Variants in RBFOX1 observed in about 807,000 individuals in gnomAD.
The protein encoded by RBFOX1 is RNA binding fox-1 homolog 1.
A neutral mutation model predicts 57.7 loss-of-function variants in RBFOX1; 8 were observed. That is an observed-to-expected ratio of 0.14 (90% confidence interval 0.08 to 0.25). The LOEUF is 0.25. RBFOX1 is among the 10% of genes least tolerant of loss of function. RBFOX1 has a pLI of 1.00. For synonymous variants in RBFOX1, 326 were observed against 222.4 expected (o/e 1.47, Z -4.15); for missense variants, 611 against 548.5 (o/e 1.11, Z -1.14).
chr16:7,152,490 T>C (rs533408452), intron 4 of RBFOX1, among the ~76,000 whole-genome samples: 1 of 152,288 alleles, frequency 6.6e-6, no homozygotes, highest in South Asian at 2.1e-4. Flanking sequence ...TCAACTAGGA[T>C]CTTTAAAAAT....
At chr16:7,025,834 A>C (rs982658569) in intron 3 of RBFOX1, among the ~76,000 whole-genome samples, 6 of 152,174 alleles carry the variant, frequency 3.9e-5, no homozygotes, top group African/African-American at 1.4e-4. Flanking sequence ...ATCTGACAGC[A>C]ACCCCAGGTC....
chr16:6,216,193 C>A (rs1191118648), intron 1 of RBFOX1, among the ~76,000 whole-genome samples: 1 of 151,978 alleles, frequency 6.6e-6, no homozygotes, highest in African/African-American at 2.4e-5. Flanking sequence ...GGGCTTAATA[C>A]CTGGGTGCTG....
At chr16:6,196,888 C>G (rs1017456706) in intron 1 of RBFOX1, among the ~76,000 whole-genome samples, 4 of 151,818 alleles carry the variant, frequency 2.6e-5, no homozygotes, top group African/African-American at 9.7e-5. Context: ...GAGGTCATCT[C>G]TGTCCGCTGC....
rs2062409041 is a variant in RBFOX1, at chr16:5,250,022, A to AAGGAGGAGGTTGCAGTG, written c.219+9930_219+9946dup. ...GTTGCAGTGAGGAGGAGGTTGCAGT[A>AAGGAGGAGGTTGCAGTG]AGGAGGAGGTTGCAGTGAGGAGGAG... is the stretch of plus-strand genomic sequence containing the variant. On this transcript the variant is annotated intron_variant, in intron 1 of 2. Coordinates refer to the RBFOX1 transcript ENST00000585867. 2.7e-5 allele frequency among the ~76,000 whole-genome samples: 4 copies of AAGGAGGAGGTTGCAGTG among 146,246 alleles called. No homozygotes were observed. In the East Asian group the frequency reaches 6.4e-4, roughly 23 times the overall value.
chr16:6,483,374 G>C (rs1456506232), intron 2 of RBFOX1: 8 of 1,512,284 alleles, frequency 5.3e-6, no homozygotes, highest in Non-Finnish European at 7.1e-6. Flanking sequence ...GAAGGCGCGC[G>C]GCGCGCACGA....
At chr16:6,088,548 C>CCTTCCTTG (rs3048153) in intron 1 of RBFOX1, among the ~76,000 whole-genome samples, 3 of 151,522 alleles carry the variant, frequency 2.0e-5, no homozygotes, top group Admixed American at 6.6e-5. Flanking sequence ...TTCCTTCCTT[C>CCTTCCTTG]TGCATTTATT....
intron 4 of RBFOX1, among the ~76,000 whole-genome samples, chr16:7,285,854 G>C (rs1414819743): frequency 6.6e-6 from 1 of 152,134 alleles, no homozygotes; most frequent in African/African-American, 2.4e-5. Flanking sequence ...TCAAGTGCAG[G>C]GTTTTGTGTG....
At chr16:6,858,305 C>G (rs1029492531) in intron 3 of RBFOX1, among the ~76,000 whole-genome samples, 10 of 152,180 alleles carry the variant, frequency 6.6e-5, no homozygotes, top group African/African-American at 2.4e-4. Context: ...TGTTGAGAGA[C>G]TAGATTAGGA....
intron 1 of RBFOX1, among the ~76,000 whole-genome samples, chr16:6,265,070 C>T (rs749131887): frequency 2.6e-5 from 4 of 152,024 alleles, no homozygotes; most frequent in African/African-American, 9.7e-5. Flanking sequence ...TACTTCATTC[C>T]ATTTCCTTTT....
At chr16:6,869,845 A>G (rs78125352) in intron 3 of RBFOX1, among the ~76,000 whole-genome samples, 51 of 152,288 alleles carry the variant, frequency 3.3e-4, no homozygotes, top group African/African-American at 1.2e-3. Flanking sequence ...CTTCACGGGA[A>G]TCAGGAATGA....
intron 2 of RBFOX1, among the ~76,000 whole-genome samples, chr16:5,518,322 A>G (rs550679819): frequency 6.6e-5 from 10 of 151,392 alleles, no homozygotes; most frequent in East Asian, 1.9e-4. Flanking sequence ...TGAAAGCCCC[A>G]TTGTTCCACC....
chr16:5,379,589 A>G (rs1395129163), intron 1 of RBFOX1, among the ~76,000 whole-genome samples: 1 of 152,168 alleles, frequency 6.6e-6, no homozygotes, highest in Admixed American at 6.5e-5. Context: ...GGGCTCTGCT[A>G]CTTAATCTCT....
chr16:5,867,377 A>T, intron 4 of RBFOX1: 2 of 1,132,280 alleles, frequency 1.8e-6, no homozygotes, highest in Non-Finnish European at 2.2e-6. Context: ...AGATAGTTTG[A>T]AGTGGGTTTC....
At chr16:6,308,465 C>T (rs1422391855) in intron 1 of RBFOX1, among the ~76,000 whole-genome samples, 1 of 152,206 alleles carries the variant, frequency 6.6e-6, no homozygotes, top group Non-Finnish European at 1.5e-5. Context: ...AACTTTTTTA[C>T]ATAAAAATAC....
In RBFOX1 at chr16:5,504,272, C is replaced by T. The variant is rs184069945; in HGVS notation, c.258+37018C>T. Reference sequence around the variant, plus strand: ...TGAGAGCCCAGAGCACAGAGCAGGCCGCCTCCCAGGACCCAACAGCTGCCA... The same window carrying T: ...TGAGAGCCCAGAGCACAGAGCAGGCTGCCTCCCAGGACCCAACAGCTGCCA... On this transcript the variant is annotated intron_variant, in intron 2 of 2. Transcript: ENST00000585867. 2.2e-3 allele frequency among the ~76,000 whole-genome samples: 336 copies of T among 152,340 alleles called. 1 individual carries two copies. The highest frequency in any genetic ancestry group is 7.3e-3 in the African/African-American group (303 of 41,590).
chr16:7,598,457 T>C (rs1307919672), intron 9 of RBFOX1, among the ~76,000 whole-genome samples: 1 of 152,138 alleles, frequency 6.6e-6, no homozygotes, highest in Non-Finnish European at 1.5e-5. Context: ...AATTTTATAC[T>C]TCTAAAATTT....
chr16:6,829,493 AAAC>A (rs1364687472), intron 3 of RBFOX1, among the ~76,000 whole-genome samples: 5 of 151,222 alleles, frequency 3.3e-5, no homozygotes, highest in African/African-American at 7.3e-5. Flanking sequence ...AAAAAAAAAA[AAAC>A]AAAAAAACGT....
At chr16:7,298,235 G>A (rs374924811) in intron 4 of RBFOX1, among the ~76,000 whole-genome samples, 2 of 148,880 alleles carry the variant, frequency 1.3e-5, no homozygotes, top group East Asian at 2.0e-4. Context: ...ATGGGGGTTA[G>A]AAGCATCAAC....
intron 2 of RBFOX1, among the ~76,000 whole-genome samples, chr16:5,481,392 T>G (rs1168105114): frequency 6.6e-6 from 1 of 152,222 alleles, no homozygotes; most frequent in Non-Finnish European, 1.5e-5. Flanking sequence ...GAACAGGGCA[T>G]TTTGTATCTT....
Sources: allele counts gnomAD v4.1 joint callset (sites outside exome capture counted in the v4.1 genomes callset), GRCh38; gene constraint gnomAD v4.1.1; transcripts MANE v1.5; gene names NCBI Gene and HGNC (gene_info 2026-07-23, HGNC 2026-07-21).